The following PCDHA1 variants were observed in gnomAD, a reference collection of about 807,000 sequenced individuals.
PCDHA1 encodes protocadherin alpha-1.
In PCDHA1, 42 loss-of-function variants were observed where a neutral mutation model predicts 61.3. That is an observed-to-expected ratio of 0.69 (90% CI 0.54 to 0.89). The LOEUF (loss-of-function observed/expected upper bound fraction) is 0.89. Ranked by LOEUF, PCDHA1 falls within the 40% of genes least tolerant of loss-of-function variation. The pLI is 0.00. For missense variants in PCDHA1, 1,256 were observed against 1,235.3 expected, an observed-to-expected ratio of 1.02 and a Z score of -0.25; for synonymous variants, 610 against 553.8, an observed-to-expected ratio of 1.10 and a Z score of -1.43.
chr5:140,918,929 A>G (rs2078930762), intron 1 of PCDHA1, among the ~76,000 whole-genome samples: 1 of 152,226 alleles, frequency 6.6e-6, no homozygotes, highest in Non-Finnish European at 1.5e-5. Context: ...AGCATATGGC[A>G]TTTTGTTATA....
In PCDHA1 at chr5:140,787,306, A is replaced by T; in HGVS notation, c.1016A>T (p.Lys339Ile). 6.2e-7 allele frequency: 1 copy of T among 1,614,198 alleles called. No individual in the cohort carries two copies. The highest frequency in any genetic ancestry group is 8.5e-7 in the Non-Finnish European group (1 of 1,180,012). Residue 339 changes from lysine (K) to isoleucine (I), a missense_variant, in exon 1 of 4, where the codon AAA (lysine) becomes ATA (isoleucine). Physicochemically the swap from Lys to Ile is moderately radical, Grantham distance 102 (BLOSUM62 -3). Coordinates refer to ENST00000504120, the MANE Select transcript of PCDHA1 (RefSeq NM_018900.4). The part of the protein sequence containing the change: ...PMSNHCKVLV[K>I]VLDVNDNAPE... ...TCAAATCACTGTAAGGTTTTGGTGAAAGTGCTGGATGTAAATGATAATGCT... is the reference window on the plus strand; with the variant it reads ...TCAAATCACTGTAAGGTTTTGGTGATAGTGCTGGATGTAAATGATAATGCT...
At chr5:140,856,365 A>G in intron 1 of PCDHA1, 1 of 1,598,426 alleles carries the variant, frequency 6.3e-7, no homozygotes, top group Non-Finnish European at 8.6e-7. Flanking sequence ...ATCCACCTGG[A>G]GGTGATCGTG....
rs531269900 is a variant in PCDHA1, at chr5:140,802,701, C to T, written c.2394+14017C>T. On this transcript the variant is annotated intron_variant, in intron 1 of 3. Coordinates refer to ENST00000504120, the MANE Select transcript of PCDHA1 (RefSeq NM_018900.4). ...GCTGGTGGAACGGCGGGTGGGGGAGCGCGCGCTGTCGAGCTACGTGTCGGT... is the reference window on the plus strand; with the variant it reads ...GCTGGTGGAACGGCGGGTGGGGGAGTGCGCGCTGTCGAGCTACGTGTCGGT... 9 of 1,612,338 alleles carry T rather than the reference C, an allele frequency of 5.6e-6. No individual in the cohort carries two copies. The East Asian group carries it at 1.6e-4, about 28-fold the overall frequency.
intron 1 of PCDHA1, among the ~76,000 whole-genome samples, chr5:140,935,340 C>T (rs781819548): frequency 3.3e-5 from 5 of 152,172 alleles, no homozygotes; most frequent in African/African-American, 7.2e-5. Context: ...TTCTCCCATA[C>T]GTCAAATCCC....
intron 1 of PCDHA1, among the ~76,000 whole-genome samples, chr5:140,791,393 G>C (rs868920970): frequency 1.3e-5 from 2 of 152,184 alleles, no homozygotes; most frequent in Non-Finnish European, 2.9e-5. Flanking sequence ...AGCAATCCAG[G>C]ATGCTGAGCC....
chr5:140,841,857 T>G (rs182904804), intron 1 of PCDHA1: 1 of 1,613,742 alleles, frequency 6.2e-7, no homozygotes, highest in Non-Finnish European at 8.5e-7. Context: ...GATTACTTCA[T>G]GCTAGATGTG....
In PCDHA1 at chr5:140,976,256, AAC is replaced by A. The variant is rs372931931; in HGVS notation, c.2395-2689_2395-2688del. On this transcript the variant is annotated intron_variant, in intron 1 of 3. Transcript: ENST00000504120. Reference sequence around the variant, plus strand: ...TGTCATTTCATGTAAATTTATTTAAAACACAGACTTTTGGCAAGGCACAGTGG... The same window carrying A: ...TGTCATTTCATGTAAATTTATTTAAAACAGACTTTTGGCAAGGCACAGTGG... Among the ~76,000 whole-genome samples the A allele has an allele frequency of 3.2e-3, 487 of 152,352 alleles. 7 individuals carry two copies. Among genetic ancestry groups the A allele is most frequent in the Middle Eastern group, 0.01 (3 of 294 alleles).
At chr5:140,823,770 G>A (rs2150128966) in intron 1 of PCDHA1, 5 of 1,613,894 alleles carry the variant, frequency 3.1e-6, no homozygotes, top group East Asian at 4.5e-5. Flanking sequence ...CCACAGTGCT[G>A]GTGTCGCTGG....
chr5:140,878,313 AT>A (rs2057535405), intron 1 of PCDHA1, among the ~76,000 whole-genome samples: 1 of 152,186 alleles, frequency 6.6e-6, no homozygotes, highest in Non-Finnish European at 1.5e-5. Flanking sequence ...CAATCTAGAC[AT>A]TTTCACATTA....
intron 1 of PCDHA1, chr5:140,828,909 C>G (rs1213488123): frequency 1.2e-6 from 2 of 1,614,072 alleles, no homozygotes; most frequent in South Asian, 1.1e-5. Context: ...GATGAAGGAG[C>G]GAATGGGGCA....
intron 1 of PCDHA1, chr5:140,856,967 A>G (rs782128989): frequency 1.3e-6 from 2 of 1,593,606 alleles, no homozygotes; most frequent in Non-Finnish European, 1.7e-6. Context: ...AAATGATGCT[A>G]TTGACTTTGA....
intron 1 of PCDHA1, among the ~76,000 whole-genome samples, chr5:140,955,267 T>C (rs1189039296): frequency 6.6e-6 from 1 of 152,140 alleles, no homozygotes; most frequent in Non-Finnish European, 1.5e-5. Context: ...AGGCTCTTTT[T>C]TGGTTCCATA....
At chr5:140,848,439 G>T in intron 1 of PCDHA1, 4 of 1,486,148 alleles carry the variant, frequency 2.7e-6, no homozygotes, top group South Asian at 2.5e-5. Flanking sequence ...GAAATCAGAT[G>T]ATTTCTTCTA....
intron 1 of PCDHA1, chr5:140,843,780 GT>G: frequency 7.0e-7 from 1 of 1,429,410 alleles, no homozygotes; most frequent in Non-Finnish European, 9.6e-7. Context: ...CTTTAAAAGT[GT>G]TTCAGATTTA....
At chr5:140,924,697 C>A (rs1443260109) in intron 1 of PCDHA1, among the ~76,000 whole-genome samples, 5 of 151,946 alleles carry the variant, frequency 3.3e-5, no homozygotes, top group Admixed American at 2.6e-4. Context: ...GAGTTCGAGA[C>A]CAGCTTGTGC....
intron 1 of PCDHA1, chr5:140,884,343 C>T (rs368888498): frequency 1.2e-6 from 2 of 1,613,900 alleles, no homozygotes; most frequent in Non-Finnish European, 1.7e-6. Context: ...CCAGAAGCGG[C>T]GCTGGTGGAT....
At position 141,009,879 on chromosome 5, in the gene PCDHA1, A is replaced by G; in HGVS notation, c.2795A>G (p.Asn932Ser). Reference protein sequence around the residue: ...TKKKKKKKKGNKTQEKKEKGN... With the variant: ...TKKKKKKKKGSKTQEKKEKGN... ...AAAAAGAAGAAAAAGAAGAAGGGTA[A>G]CAAGACCCAGGAGAAAAAAGAGAAA... Residue 932 changes from asparagine (N) to serine (S), a missense_variant, in exon 4 of 4, where the codon AAC (asparagine) becomes AGC (serine). Asn to Ser is a conservative substitution (Grantham distance 46). Coordinates refer to ENST00000504120, the MANE Select transcript of PCDHA1 (RefSeq NM_018900.4). 12 of 1,613,884 alleles carry G rather than the reference A, an allele frequency of 7.4e-6. No individual in the cohort carries two copies. Among genetic ancestry groups the G allele is most frequent in the Non-Finnish European group, 1.0e-5 (12 of 1,179,984 alleles).
intron 1 of PCDHA1, chr5:140,800,939 G>T (rs1762615458): frequency 2.0e-6 from 2 of 996,480 alleles, no homozygotes; most frequent in Non-Finnish European, 2.6e-6. Flanking sequence ...TTTTGGGAAA[G>T]TTCAAACGAC....
intron 1 of PCDHA1, chr5:140,877,589 C>T (rs1554169905): frequency 1.2e-6 from 2 of 1,613,848 alleles, no homozygotes; most frequent in Non-Finnish European, 1.7e-6. Context: ...GCCATCTGTG[C>T]GGTGTCCAGC....
Sources: allele counts gnomAD v4.1 joint callset (sites outside exome capture counted in the v4.1 genomes callset), GRCh38; gene constraint gnomAD v4.1.1; transcripts MANE v1.5; gene names NCBI Gene and HGNC (gene_info 2026-07-23, HGNC 2026-07-21).